The following CSMD1 variants were observed in gnomAD, a reference collection of about 807,000 sequenced individuals.
CSMD1 encodes the protein CUB and Sushi multiple domains 1.
In CSMD1, 213 loss-of-function variants were observed where a neutral mutation model predicts 417.5. The observed-to-expected ratio is 0.51, with a 90% CI of 0.46 to 0.57. The LOEUF (loss-of-function observed/expected upper bound fraction) is 0.57. Among genes scored for constraint, CSMD1 ranks in the 20% least tolerant of loss-of-function variants. The probability of loss-of-function intolerance (pLI) is 0.00; values close to 1 mark genes in which losing one functional copy is unlikely to be tolerated. For missense variants in CSMD1, 6,923 were observed against 4,529.7 expected, an observed-to-expected ratio of 1.53 and a Z score of -15.17; for synonymous variants, 2,862 against 1,736.8, an observed-to-expected ratio of 1.65 and a Z score of -16.11.
At chr8:4,845,902 T>C (rs754289353) in intron 1 of CSMD1, among the ~76,000 whole-genome samples, 2 of 152,218 alleles carry the variant, frequency 1.3e-5, no homozygotes, top group African/African-American at 4.8e-5. Flanking sequence ...CTAACTAAAA[T>C]GACAAGGTTA....
chr8:3,560,239 G>C, intron 10 of CSMD1, among the ~76,000 whole-genome samples: 1 of 151,996 alleles, frequency 6.6e-6, no homozygotes, highest in East Asian at 1.9e-4. Context: ...ATTAATAGAA[G>C]GATAATATTA....
chr8:4,623,842 T>A (rs2725022), intron 2 of CSMD1, among the ~76,000 whole-genome samples: 1 of 151,494 alleles, frequency 6.6e-6, no homozygotes, highest in Admixed American at 6.6e-5. Context: ...GCAACAAAAC[T>A]TAGAACACAG....
intron 5 of CSMD1, among the ~76,000 whole-genome samples, chr8:3,873,973 G>C (rs1805650384): frequency 6.6e-6 from 1 of 152,122 alleles, no homozygotes; most frequent in Non-Finnish European, 1.5e-5. Context: ...GGGCTGTGTT[G>C]GTGACATAGG....
chr8:3,544,127 GC>G (rs1377586201), intron 10 of CSMD1, among the ~76,000 whole-genome samples: 1 of 152,060 alleles, frequency 6.6e-6, no homozygotes, highest in Non-Finnish European at 1.5e-5. Flanking sequence ...GGTAAAACGA[GC>G]CTGGGACGTG....
At position 2,963,256 on chromosome 8, in the gene CSMD1, G is replaced by A. The variant is rs370498539; in HGVS notation, c.9420C>T (p.Arg3140=). 5.6e-6 allele frequency: 9 copies of A among 1,613,894 alleles called. No individual in the cohort carries two copies. The highest frequency in any genetic ancestry group is 1.3e-5 in the African/African-American group (1 of 75,020). The change falls in exon 60 of 70, where the codon CGC becomes CGT. Residue 3140 remains arginine (R), a synonymous_variant. Coordinates refer to ENST00000635120, the MANE Select transcript of CSMD1 (RefSeq NM_033225.6). ...GGGGGATCTCTCCTTTCCACACCCCGCGACCTTCACAGGAGAGGATGGCGG... is the reference window on the plus strand; with the variant it reads ...GGGGGATCTCTCCTTTCCACACCCCACGACCTTCACAGGAGAGGATGGCGG... ...SHSAILSCEG[R]GVWKGEIPQC...
At chr8:4,253,944 T>G (rs1465957485) in intron 3 of CSMD1, among the ~76,000 whole-genome samples, 1 of 139,668 alleles carries the variant, frequency 7.2e-6, no homozygotes, top group Non-Finnish European at 1.5e-5. Context: ...TGAGATGGAG[T>G]CTTGCTCTAG....
At chr8:4,154,415 T>C (rs1422486253) in intron 3 of CSMD1, among the ~76,000 whole-genome samples, 1 of 152,222 alleles carries the variant, frequency 6.6e-6, no homozygotes, top group Non-Finnish European at 1.5e-5. Context: ...CAAAGGCATT[T>C]AGCAGATGCC....
At chr8:4,503,076 G>A (rs1203803359) in intron 2 of CSMD1, among the ~76,000 whole-genome samples, 1 of 152,148 alleles carries the variant, frequency 6.6e-6, no homozygotes, top group East Asian at 1.9e-4. Context: ...CTGTAAAGGT[G>A]CATAAATGAA....
At chr8:4,012,246 G>A (rs1585129990) in intron 4 of CSMD1, among the ~76,000 whole-genome samples, 1 of 151,936 alleles carries the variant, frequency 6.6e-6, no homozygotes, top group Non-Finnish European at 1.5e-5. Flanking sequence ...CTACTCTTCA[G>A]GCTTTCTCTA....
At chr8:3,840,588 G>A (rs969398509) in intron 5 of CSMD1, among the ~76,000 whole-genome samples, 1 of 152,004 alleles carries the variant, frequency 6.6e-6, no homozygotes, top group Non-Finnish European at 1.5e-5. Flanking sequence ...GTTAAAACAT[G>A]TGAGTGTATG....
At chr8:3,719,751 T>C (rs1802043462) in intron 6 of CSMD1, among the ~76,000 whole-genome samples, 1 of 152,162 alleles carries the variant, frequency 6.6e-6, no homozygotes, top group Admixed American at 6.5e-5. Flanking sequence ...CTGGCTGCTT[T>C]CCATTCCTCC....
In CSMD1 at chr8:4,402,388, G is replaced by T. The variant is rs552023606; in HGVS notation, c.415+17565C>A. 2.0e-5 allele frequency among the ~76,000 whole-genome samples: 3 copies of T among 151,978 alleles called. 1 individual carries two copies. In the South Asian group the frequency reaches 6.3e-4, roughly 32 times the overall value. Reference sequence around the variant, plus strand: ...AATTCCCTTGTTCCTCTCTGGCTCTGACCTCTCCGCTAGCCTTATTACTGC... The same window carrying T: ...AATTCCCTTGTTCCTCTCTGGCTCTTACCTCTCCGCTAGCCTTATTACTGC... On this transcript the variant is annotated intron_variant, in intron 3 of 69. Coordinates refer to ENST00000635120, the MANE Select transcript of CSMD1 (RefSeq NM_033225.6).
intron 1 of CSMD1, among the ~76,000 whole-genome samples, chr8:4,834,603 G>C (rs1800347395): frequency 6.6e-6 from 1 of 152,002 alleles, no homozygotes; most frequent in Non-Finnish European, 1.5e-5. Flanking sequence ...GAACAACGTG[G>C]TCCAGGATAA....
chr8:4,662,963 C>T (rs1422137128), intron 1 of CSMD1, among the ~76,000 whole-genome samples: 1 of 152,168 alleles, frequency 6.6e-6, no homozygotes, highest in Non-Finnish European at 1.5e-5. Flanking sequence ...AAGGAATGTT[C>T]TTCAACATGA....
At chr8:2,998,263 T>G (rs1807090608) in intron 53 of CSMD1, 79 bp from the exon 54 acceptor site, 19 of 1,431,736 alleles carry the variant, frequency 1.3e-5, no homozygotes, top group Admixed American at 5.2e-5. Context: ...ATAAGAAACA[T>G]GCAGGCATGC....
intron 5 of CSMD1, among the ~76,000 whole-genome samples, chr8:3,814,603 G>C (rs1222423172): frequency 2.0e-5 from 3 of 152,164 alleles, no homozygotes; most frequent in Non-Finnish European, 1.5e-5. Flanking sequence ...GGTGCTGCTG[G>C]ACATCCCACA....
At chr8:4,406,701 C>G (rs1031239716) in intron 3 of CSMD1, among the ~76,000 whole-genome samples, 2 of 152,282 alleles carry the variant, frequency 1.3e-5, no homozygotes, top group South Asian at 2.1e-4. Context: ...AGAAAACTTT[C>G]AACAAGCTTG....
chr8:3,071,645 CA>C (rs1813327974), intron 49 of CSMD1, among the ~76,000 whole-genome samples: 1 of 152,122 alleles, frequency 6.6e-6, no homozygotes, highest in South Asian at 2.1e-4. Flanking sequence ...AAAATAAATG[CA>C]ATATTCATTC....
rs893604806 is a variant in CSMD1 at position 3,680,351 on chromosome 8, G to A, written c.1009+28063C>T. On this transcript the variant is annotated intron_variant, in intron 7 of 69. Coordinates refer to ENST00000635120, the MANE Select transcript of CSMD1 (RefSeq NM_033225.6). ...TAGACGCAATAAAAAATGACAAAGG[G>A]TATATCACCACTGATCCCACAGAAA... is the stretch of plus-strand genomic sequence containing the variant. Among the ~76,000 whole-genome samples the A allele has an allele frequency of 2.6e-5, 4 of 152,200 alleles. 1 individual carries two copies.
Sources: allele counts gnomAD v4.1 joint callset (sites outside exome capture counted in the v4.1 genomes callset), GRCh38; gene constraint gnomAD v4.1.1; transcripts MANE v1.5; gene names NCBI Gene and HGNC (gene_info 2026-07-23, HGNC 2026-07-21).